The following PPP2R1A variants were observed in gnomAD, a reference collection of about 807,000 sequenced individuals.
PPP2R1A encodes protein phosphatase 2 scaffold subunit Aalpha, also known as serine/threonine-protein phosphatase 2A 65 kDa regulatory subunit A alpha isoform.
PPP2R1A carries 15 observed loss-of-function variants against 67.1 expected under a neutral mutation model. The observed-to-expected ratio is 0.22, with a 90% confidence interval of 0.15 to 0.34. PPP2R1A has a LOEUF of 0.34. PPP2R1A is among the 10% of genes least tolerant of loss of function. The pLI, the probability that PPP2R1A is intolerant of heterozygous loss-of-function variation, is 1.00. For synonymous variants in PPP2R1A, 337 were observed against 325.0 expected (o/e 1.04, Z -0.40); for missense variants, 369 against 775.0 (o/e 0.48, Z 6.22).
intron 1 of PPP2R1A, among the ~76,000 whole-genome samples, chr19:52,199,776 A>G (rs868713207): frequency 7.2e-5 from 11 of 152,218 alleles, no homozygotes; most frequent in Admixed American, 4.6e-4. Flanking sequence ...CTTACACCCC[A>G]GGTCAGTGAT....
At chr19:52,225,635 T>C (rs969432096) in intron 13 of PPP2R1A, 82 bp from the exon 14 acceptor site, 2 of 1,301,376 alleles carry the variant, frequency 1.5e-6, no homozygotes, top group South Asian at 2.4e-5. Flanking sequence ...GTACACTCTC[T>C]TGCCCAAGAG....
At chr19:52,209,068 T>G (rs2089637905) in intron 3 of PPP2R1A, among the ~76,000 whole-genome samples, 1 of 152,198 alleles carries the variant, frequency 6.6e-6, no homozygotes, top group African/African-American at 2.4e-5. Flanking sequence ...TGGTCCATGC[T>G]GGGATAGGCC....
chr19:52,205,874 A>C, intron 2 of PPP2R1A, 89 bp from the exon 3 acceptor site: 1 of 1,064,128 alleles, frequency 9.4e-7, no homozygotes, highest in Non-Finnish European at 1.4e-6. Context: ...TGACAGCCTG[A>C]GGAAGCAGAA....
chr19:52,220,596 G>C (rs28576627), intron 11 of PPP2R1A, among the ~76,000 whole-genome samples: 2,072 of 152,204 alleles, frequency 0.014, 45 homozygotes, highest in African/African-American at 0.048. Context: ...TTATTCTGGT[G>C]CCTTGGGGCC....
intron 1 of PPP2R1A, among the ~76,000 whole-genome samples, chr19:52,198,614 C>T (rs1295441528): frequency 4.6e-5 from 7 of 152,194 alleles, no homozygotes; most frequent in Non-Finnish European, 1.0e-4. Context: ...GGGGATGCCA[C>T]CCTCCAAGAA....
In PPP2R1A at chr19:52,226,194, A is replaced by G. The variant is rs924900602; in HGVS notation, c.*213A>G. 2 of 703,966 alleles carry G rather than the reference A, an allele frequency of 2.8e-6. No individual in the cohort carries two copies. Among genetic ancestry groups the G allele is most frequent in the African/African-American group, 1.8e-5 (1 of 55,702 alleles). The allele number at this position is 703,966 out of a possible 1,614,324, so 43.6% of individuals were successfully genotyped here. On this transcript the variant is annotated 3_prime_UTR_variant, in exon 15 of 15. Transcript: ENST00000322088. ...GGGCTAGGGGAGCACGGGGTTGGAC[A>G]GGACAGTGACCTTGGGAGGAAGGGG...
At position 52,216,148 on chromosome 19, in the gene PPP2R1A, G is replaced by A; in HGVS notation, c.993+74G>A. On this transcript the variant is annotated intron_variant, in intron 8 of 14. Transcript: ENST00000322088. The surrounding 1 kb of genome is among the most constrained non-coding windows in gnomAD (Gnocchi z 4.3). ...AAAGAGGGGCTGGAGACAAGGCTTT[G>A]GGGATAGTCAGCTGCAAACTAGGTT... 1 of 1,517,124 alleles carries A rather than the reference G, an allele frequency of 6.6e-7. No homozygotes were observed. Among genetic ancestry groups the A allele is most frequent in the Non-Finnish European group, 9.1e-7 (1 of 1,095,890 alleles). 94.0% of individuals were successfully genotyped at this position (1,517,124 alleles called of 1,614,324 possible).
At chr19:52,191,407 C>T (rs1387095366) in intron 1 of PPP2R1A, 1 of 152,164 alleles carries the variant, frequency 6.6e-6, no homozygotes, top group African/African-American at 2.4e-5. Context: ...TGGTGTCAGG[C>T]CTGTTGTAAG....
At chr19:52,198,816 A>G (rs1185617735) in intron 1 of PPP2R1A, among the ~76,000 whole-genome samples, 1 of 152,224 alleles carries the variant, frequency 6.6e-6, no homozygotes, top group African/African-American at 2.4e-5. Context: ...GCCTCTGTGC[A>G]TCAGTGAAGT....
chr19:52,220,931 G>A, intron 11 of PPP2R1A, 48 bp from the exon 12 acceptor site: 1 of 1,604,964 alleles, frequency 6.2e-7, no homozygotes, highest in Non-Finnish European at 8.5e-7. Context: ...GCCCACATCA[G>A]TTCTTCACCT....
chr19:52,190,977 A>G (rs2089449025), intron 1 of PPP2R1A: 1 of 152,130 alleles, frequency 6.6e-6, no homozygotes, highest in Admixed American at 6.6e-5. Context: ...CTCGCCCCTC[A>G]GCTCCCTAAT....
At chr19:52,217,797 T>C (rs1198484559) in intron 9 of PPP2R1A, among the ~76,000 whole-genome samples, 1 of 152,024 alleles carries the variant, frequency 6.6e-6, no homozygotes, top group Admixed American at 6.6e-5. Flanking sequence ...AGGTTGCCTG[T>C]ATTACAAAGG....
chr19:52,216,671 C>T lies in PPP2R1A; in HGVS notation c.1128+8C>T. 2 of 1,614,164 alleles carry T rather than the reference C, an allele frequency of 1.2e-6. No homozygotes were observed. Among genetic ancestry groups the T allele is most frequent in the East Asian group, 2.2e-5 (1 of 44,852 alleles). ...GCTCAGCTGAAGGATGAGGTAAGGG[C>T]ACCAGGATCTCAGCTCTGGGTTTGT... On this transcript the variant is annotated splice_region_variant and intron_variant, in intron 9 of 14. Transcript: ENST00000322088. This position sits in a 1 kb window ranked among gnomAD's most constrained non-coding sequence, Gnocchi z 4.3.
intron 2 of PPP2R1A, among the ~76,000 whole-genome samples, chr19:52,205,358 G>C (rs2089591472): frequency 6.6e-6 from 1 of 152,140 alleles, no homozygotes; most frequent in Non-Finnish European, 1.5e-5. Flanking sequence ...TCTGTGCTCA[G>C]CTCTGGCAGG....
chr19:52,192,997 A>G (rs990120488), intron 1 of PPP2R1A, among the ~76,000 whole-genome samples: 13 of 152,258 alleles, frequency 8.5e-5, no homozygotes, highest in Non-Finnish European at 1.5e-5. Flanking sequence ...CAGGGAAAAA[A>G]TTGCTGACCT....
chr19:52,195,617 C>A (rs181656989), intron 1 of PPP2R1A, among the ~76,000 whole-genome samples: 1 of 152,308 alleles, frequency 6.6e-6, no homozygotes, highest in East Asian at 1.9e-4. Context: ...TTGGAGTTCC[C>A]ATGACCACCC....
intron 3 of PPP2R1A, among the ~76,000 whole-genome samples, chr19:52,210,151 C>T (rs2089650691): frequency 6.6e-6 from 1 of 152,192 alleles, no homozygotes; most frequent in South Asian, 2.1e-4. Context: ...GATCAGAGAC[C>T]TCCACACCTT....
At position 52,219,989 on chromosome 19, in the gene PPP2R1A, G is replaced by A. The variant is rs180672826; in HGVS notation, c.1302+125G>A. On this transcript the variant is annotated intron_variant, in intron 10 of 14. Transcript: ENST00000322088. The surrounding 1 kb of genome is among the most constrained non-coding windows in gnomAD (Gnocchi z 4.0). ...GGCTGTGACAACTGCCTGGGGAGTC[G>A]AAGGAAGGGACCCAGGAAATAGGGC... is the stretch of plus-strand genomic sequence containing the variant. The A allele has an allele frequency of 1.9e-5, 25 of 1,315,008 alleles. No homozygotes were observed. Among genetic ancestry groups the A allele is most frequent in the South Asian group, 1.7e-4 (12 of 69,350 alleles). 81.5% of individuals were successfully genotyped at this position (1,315,008 alleles called of 1,614,324 possible).
intron 1 of PPP2R1A, among the ~76,000 whole-genome samples, chr19:52,194,062 C>T (rs2089477040): frequency 7.2e-6 from 1 of 139,646 alleles, no homozygotes; most frequent in African/African-American, 2.7e-5. Flanking sequence ...GCGGTGAGAG[C>T]CTGGGCGACA....
Sources: allele counts gnomAD v4.1 joint callset (sites outside exome capture counted in the v4.1 genomes callset), GRCh38; gene constraint gnomAD v4.1.1; non-coding constraint Gnocchi (gnomAD v3.1); transcripts MANE v1.5; gene names NCBI Gene and HGNC (gene_info 2026-07-23, HGNC 2026-07-21).